The following BBOF1 variants were observed in gnomAD, a reference collection of about 807,000 sequenced individuals.
BBOF1 encodes basal body-orientation factor 1.
A neutral mutation model predicts 68.0 loss-of-function variants in BBOF1; 62 were observed. The observed-to-expected ratio is 0.91, with a 90% CI of 0.74 to 1.13. The LOEUF is 1.13. BBOF1 is among the 50% of genes most tolerant of loss of function. The probability of loss-of-function intolerance (pLI) is 0.00; values close to 1 mark genes in which losing one functional copy is unlikely to be tolerated. For synonymous variants in BBOF1, 208 were observed against 198.8 expected (o/e 1.05, Z -0.39); for missense variants, 534 against 600.1 (o/e 0.89, Z 1.15).
At chr14:74,067,421 G>A (rs748133328), downstream of BBOF1, 3 of 1,613,870 alleles carry the variant, frequency 1.9e-6, no homozygotes, top group East Asian at 4.5e-5. Context: ...CACCAGCTCT[G>A]GCAGCCACTT....
At chr14:74,069,487 A>G (rs899029746), downstream of BBOF1, among the ~76,000 whole-genome samples, 13 of 151,860 alleles carry the variant, frequency 8.6e-5, no homozygotes, top group African/African-American at 3.1e-4. Context: ...ACGGTGGCGC[A>G]TGCCTGTAAT....
chr14:74,072,339 A>G, intron 9 of BBOF1: 1 of 1,614,166 alleles, frequency 6.2e-7, no homozygotes, highest in African/African-American at 1.3e-5. Context: ...GGCCTGAGGG[A>G]CCCGACCAAT....
intron 2 of BBOF1, among the ~76,000 whole-genome samples, chr14:74,024,534 C>T (rs904788513): frequency 6.6e-6 from 1 of 152,062 alleles, no homozygotes; most frequent in Non-Finnish European, 1.5e-5. Flanking sequence ...GGTATGATCA[C>T]GGCTCACCAC....
Position 74,023,145 on chromosome 14 carries a change from G to A in BBOF1, c.285+1G>A, listed in dbSNP as rs1479297991. The A allele has an allele frequency of 6.4e-7, 1 of 1,554,474 alleles. No homozygotes were observed. Among genetic ancestry groups the A allele is most frequent in the Non-Finnish European group, 8.7e-7 (1 of 1,143,532 alleles). On this transcript the variant is annotated splice_donor_variant, in intron 2 of 11. Transcript: ENST00000394009. LOFTEE classifies it high-confidence loss of function. ...GCAGGATCAGGAGAAAGATAATATG[G>A]TAGGTAGGTAGAAAGCCTCCTTGGC...
At chr14:74,073,989 AT>A (rs5809644) in intron 9 of BBOF1, among the ~76,000 whole-genome samples, 19,315 of 144,342 alleles carry the variant, frequency 0.13, 1,392 homozygotes, top group Admixed American at 0.2. Flanking sequence ...ACTTTAACTA[AT>A]TTTTTTTTTT....
intron 9 of BBOF1, chr14:74,071,900 G>C: frequency 1.2e-6 from 2 of 1,614,162 alleles, no homozygotes; most frequent in Non-Finnish European, 8.5e-7. Flanking sequence ...GCTTACGAAG[G>C]CCTCGAAATA....
chr14:74,028,773 A>G (rs2059497441), intron 2 of BBOF1, among the ~76,000 whole-genome samples: 1 of 150,830 alleles, frequency 6.6e-6, no homozygotes, highest in Non-Finnish European at 1.5e-5. Context: ...CAATGACGCC[A>G]TCTCGGCTCA....
intron 2 of BBOF1, among the ~76,000 whole-genome samples, chr14:74,024,990 A>G (rs1191500148): frequency 4.6e-5 from 7 of 151,000 alleles, no homozygotes; most frequent in African/African-American, 1.7e-4. Flanking sequence ...CTGATCTGGA[A>G]CTCCTGGCCT....
intron 9 of BBOF1, chr14:74,072,221 T>C: frequency 1.2e-6 from 2 of 1,614,188 alleles, no homozygotes. Flanking sequence ...CTTTAATAAG[T>C]TGTTGATAGC....
intron 4 of BBOF1, among the ~76,000 whole-genome samples, chr14:74,039,171 T>C (rs896169753): frequency 1.3e-5 from 2 of 152,202 alleles, no homozygotes; most frequent in Admixed American, 6.5e-5. Flanking sequence ...AATAGCTATA[T>C]GTTATTTTTA....
In BBOF1 at chr14:74,049,876, G is replaced by A. The variant is rs1248740192; in HGVS notation, c.967G>A (p.Ala323Thr). The part of the protein sequence containing the change: ...LQQHAMIENQ[A>T]GQVEIDKLQH... ...GCAACACGCAATGATAGAGAACCAA[G>A]CAGGTCAGGTAGAAATTGACAAGCT... Residue 323 changes from alanine to threonine, a missense_variant, in exon 8 of 12, where the codon GCA becomes ACA. By Grantham distance (58) the Ala-to-Thr change is moderately conservative. Coordinates refer to ENST00000394009, the MANE Select transcript of BBOF1 (RefSeq NM_025057.3). 1 of 1,614,152 alleles carries A rather than the reference G, an allele frequency of 6.2e-7. No individual in the cohort carries two copies. Among genetic ancestry groups the A allele is most frequent in the Admixed American group, 1.7e-5 (1 of 60,004 alleles).
At chr14:74,053,592 GA>G (rs1262247052) in intron 8 of BBOF1, among the ~76,000 whole-genome samples, 3 of 151,586 alleles carry the variant, frequency 2.0e-5, no homozygotes, top group African/African-American at 7.3e-5. Context: ...TTTTTATAGA[GA>G]AAAGGGTTTC....
intron 6 of BBOF1, among the ~76,000 whole-genome samples, chr14:74,046,382 G>C (rs1415706967): frequency 6.7e-6 from 1 of 150,008 alleles, no homozygotes; most frequent in Non-Finnish European, 1.5e-5. Flanking sequence ...TTTATTTTTT[G>C]AGATGGAGTC....
chr14:74,078,246 C>G (rs1026736695), exon 10 of BBOF1: 1 of 455,990 alleles, frequency 2.2e-6, no homozygotes, highest in Admixed American at 2.3e-5. Flanking sequence ...ACTAGCAAAC[C>G]TACAAAACTG....
chr14:74,072,717 T>C, intron 9 of BBOF1: 1 of 1,267,076 alleles, frequency 7.9e-7, no homozygotes, highest in Non-Finnish European at 1.1e-6. Context: ...AGAAAACAAG[T>C]TGATAACGGA....
chr14:74,030,933 T>TAGAGAGAG (rs563665358), intron 3 of BBOF1, among the ~76,000 whole-genome samples: 1 of 147,132 alleles, frequency 6.8e-6, no homozygotes, highest in African/African-American at 2.5e-5. Context: ...TATATATATA[T>TAGAGAGAG]ATATATAGAG....
At chr14:74,067,501 C>T (rs1402487087), downstream of BBOF1, 23 of 1,614,060 alleles carry the variant, frequency 1.4e-5, no homozygotes, top group Admixed American at 3.3e-5. Context: ...CAAATGCTGC[C>T]CCAACCAGCT....
intron 1 of BBOF1, among the ~76,000 whole-genome samples, chr14:74,020,903 G>T (rs1045521230): frequency 1.3e-5 from 2 of 152,168 alleles, no homozygotes; most frequent in Non-Finnish European, 2.9e-5. Flanking sequence ...GACATCAACA[G>T]CTATAACAGG....
chr14:74,061,881 T>C lies in BBOF1; in HGVS notation c.1579-2807T>C, dbSNP rs1193793994. 3.3e-5 allele frequency among the ~76,000 whole-genome samples: 5 copies of C among 151,726 alleles called. No homozygotes were observed. In the East Asian group the frequency reaches 9.6e-4, roughly 29 times the overall value. On this transcript the variant is annotated intron_variant, in intron 11 of 11. Transcript: ENST00000394009. ...AATTACTAGCAAGCTAGAATGACAT[T>C]TTACCAGATTACCAGAGTAATTTAT...
Sources: allele counts gnomAD v4.1 joint callset (sites outside exome capture counted in the v4.1 genomes callset), GRCh38; gene constraint gnomAD v4.1.1; transcripts MANE v1.5; gene names NCBI Gene and HGNC (gene_info 2026-07-23, HGNC 2026-07-21).